The following HMGCLL1 variants were observed in gnomAD, a reference collection of about 807,000 sequenced individuals.
The protein encoded by HMGCLL1 is 3-hydroxymethyl-3-methylglutaryl-CoA lyase, cytoplasmic.
A neutral mutation model predicts 39.1 loss-of-function variants in HMGCLL1; 36 were observed. That is an observed-to-expected ratio of 0.92 (90% CI 0.71 to 1.22). The LOEUF is 1.22. Among genes scored for constraint, HMGCLL1 ranks in the 50% most tolerant of loss-of-function variants. The pLI, the probability that HMGCLL1 is intolerant of heterozygous loss-of-function variation, is 0.00. For synonymous variants in HMGCLL1, 149 were observed against 144.0 expected, an observed-to-expected ratio of 1.03 and a Z score of -0.25; for missense variants, 451 against 416.5, an observed-to-expected ratio of 1.08 and a Z score of -0.72.
chr6:55,513,329 A>C (rs1243960824), intron 5 of HMGCLL1: 1 of 152,186 alleles, frequency 6.6e-6, no homozygotes, highest in East Asian at 1.9e-4. Context: ...TCTTAGAATG[A>C]ACAGCTGATA....
At chr6:55,514,595 C>T (rs1554149140) in intron 4 of HMGCLL1, among the ~76,000 whole-genome samples, 1 of 152,100 alleles carries the variant, frequency 6.6e-6, no homozygotes, top group Non-Finnish European at 1.5e-5. Context: ...ATACTAACTA[C>T]TTTGTTTATC....
chr6:55,442,001 A>G (rs1561882828), intron 7 of HMGCLL1, among the ~76,000 whole-genome samples: 3 of 152,178 alleles, frequency 2.0e-5, no homozygotes, highest in Middle Eastern at 3.4e-3. Context: ...GGGTTTGTCT[A>G]AGTTTTTCTC....
At chr6:55,494,640 T>C (rs1350292437) in intron 7 of HMGCLL1, among the ~76,000 whole-genome samples, 1 of 152,224 alleles carries the variant, frequency 6.6e-6, no homozygotes, top group Non-Finnish European at 1.5e-5. Context: ...ACTGTGATAC[T>C]AAGTTTACAT....
At chr6:55,530,389 T>C (rs1401323136) in intron 3 of HMGCLL1, among the ~76,000 whole-genome samples, 2 of 152,014 alleles carry the variant, frequency 1.3e-5, no homozygotes, top group Non-Finnish European at 2.9e-5. Context: ...AAATATATCT[T>C]ATATATTAAC....
the HMGCLL1 span, among the ~76,000 whole-genome samples, chr6:55,677,536 G>T: frequency 0.055 from 8,376 of 152,224 alleles, 391 homozygotes; most frequent in Non-Finnish European, 0.077. Context: ...ATATGGGTTA[G>T]TATTTTGGAA....
intron 3 of HMGCLL1, among the ~76,000 whole-genome samples, chr6:55,533,738 T>A (rs1002853965): frequency 6.7e-6 from 1 of 149,240 alleles, no homozygotes; most frequent in African/African-American, 2.5e-5. Context: ...TACAAAAAAT[T>A]AGCCGGGCGT....
chr6:55,519,556 T>G (rs529331727), intron 3 of HMGCLL1, among the ~76,000 whole-genome samples: 2 of 152,072 alleles, frequency 1.3e-5, no homozygotes, highest in East Asian at 3.9e-4. Context: ...CACACAAATG[T>G]GCATGCACAC....
chr6:55,676,195 G>T, the HMGCLL1 span, among the ~76,000 whole-genome samples: 1 of 152,006 alleles, frequency 6.6e-6, no homozygotes, highest in Non-Finnish European at 1.5e-5. Context: ...GTAAAATCCT[G>T]CACATCACAG....
At chr6:55,443,518 AAAC>A (rs1763692991) in intron 7 of HMGCLL1, among the ~76,000 whole-genome samples, 2 of 152,080 alleles carry the variant, frequency 1.3e-5, no homozygotes, top group South Asian at 4.1e-4. Flanking sequence ...AAGAGTGAGG[AAAC>A]AACAGTCATT....
chr6:55,649,629 G>A, the HMGCLL1 span, among the ~76,000 whole-genome samples: 1 of 151,732 alleles, frequency 6.6e-6, no homozygotes, highest in Non-Finnish European at 1.5e-5. Flanking sequence ...CTTTCTCAAG[G>A]CCTGGAAAGT....
chr6:55,548,937 A>G (rs1770150959), intron 1 of HMGCLL1, among the ~76,000 whole-genome samples: 1 of 151,856 alleles, frequency 6.6e-6, no homozygotes, highest in African/African-American at 2.4e-5. Flanking sequence ...AATTTAATAA[A>G]GCATTAAAAT....
chr6:55,587,558 A>T, the HMGCLL1 span, among the ~76,000 whole-genome samples: 2 of 152,170 alleles, frequency 1.3e-5, no homozygotes, highest in Admixed American at 6.6e-5. Context: ...TAACAATATT[A>T]ACCTTAAATG....
rs958788304 is a variant in HMGCLL1, at chr6:55,524,536, A to G, written c.298-7933T>C. 2.6e-5 allele frequency among the ~76,000 whole-genome samples: 4 copies of G among 150,966 alleles called. No homozygotes were observed. The East Asian group carries it at 7.8e-4, about 30-fold the overall frequency. ...TAAAGTTCCCTACAAGTGGTTGGCC[A>G]TATATCTCCTAGTGATTTGCAGATC... On this transcript the variant is annotated intron_variant, in intron 3 of 8. Coordinates refer to ENST00000274901, the MANE Select transcript of HMGCLL1 (RefSeq NM_001042406.2).
rs574519830 is a variant in HMGCLL1, at chr6:55,493,833, C to T, written c.795+1586G>A. Among the ~76,000 whole-genome samples the T allele has an allele frequency of 4.6e-5, 7 of 151,992 alleles. No individual in the cohort carries two copies. In the South Asian group the frequency reaches 8.3e-4, roughly 18 times the overall value. On this transcript the variant is annotated intron_variant, in intron 7 of 8. Transcript: ENST00000274901. ...CTGCAAGCTCTGCCTCCCAGGTTCACGCCGTTCTCCTGCCTCAGCCTCCCA... is the reference window on the plus strand; with the variant it reads ...CTGCAAGCTCTGCCTCCCAGGTTCATGCCGTTCTCCTGCCTCAGCCTCCCA...
At chr6:55,475,585 C>T (rs1420244621) in intron 7 of HMGCLL1, among the ~76,000 whole-genome samples, 1 of 151,370 alleles carries the variant, frequency 6.6e-6, no homozygotes, top group Non-Finnish European at 1.5e-5. Context: ...GGGTGATTTC[C>T]AAACTCTTTA....
intron 3 of HMGCLL1, among the ~76,000 whole-genome samples, chr6:55,536,798 TG>T (rs1769060990): frequency 6.6e-6 from 1 of 152,186 alleles, no homozygotes; most frequent in Non-Finnish European, 1.5e-5. Flanking sequence ...TTTAGCTGTT[TG>T]AGTTAGAAAG....
intron 1 of HMGCLL1, among the ~76,000 whole-genome samples, chr6:55,568,313 C>T (rs1449978847): frequency 1.3e-5 from 2 of 152,084 alleles, no homozygotes; most frequent in Non-Finnish European, 2.9e-5. Context: ...TAATTTCCTG[C>T]TTGTTGAATG....
At position 55,561,687 on chromosome 6, in the gene HMGCLL1, G is replaced by T. The variant is rs187257692; in HGVS notation, c.108+17261C>A. Among the ~76,000 whole-genome samples the T allele has an allele frequency of 4.8e-4, 73 of 152,184 alleles. 1 individual carries two copies. The East Asian group carries it at 0.013, about 28-fold the overall frequency. On this transcript the variant is annotated intron_variant, in intron 1 of 8. Transcript: ENST00000274901. Reference sequence around the variant, plus strand: ...ACAGTTTATCATCAGCTGTAAAATTGATTTGAACAACTCTTCTATCAGTAT... The same window carrying T: ...ACAGTTTATCATCAGCTGTAAAATTTATTTGAACAACTCTTCTATCAGTAT...
intron 7 of HMGCLL1, among the ~76,000 whole-genome samples, chr6:55,453,455 G>T (rs139923994): frequency 1.3e-5 from 2 of 152,152 alleles, no homozygotes; most frequent in African/African-American, 4.8e-5. Context: ...GAGCCACCGC[G>T]CCTGGCCAGA....
Sources: allele counts gnomAD v4.1 joint callset (sites outside exome capture counted in the v4.1 genomes callset), GRCh38; gene constraint gnomAD v4.1.1; transcripts MANE v1.5; gene names NCBI Gene and HGNC (gene_info 2026-07-23, HGNC 2026-07-21).